The following ASAP1 variants were observed in gnomAD, a reference collection of about 807,000 sequenced individuals.
ASAP1 encodes arf-GAP with SH3 domain, ANK repeat and PH domain-containing protein 1.
Under a neutral mutation model 145.2 loss-of-function variants are expected in ASAP1, and 43 were observed. The ratio of observed to expected loss-of-function variants is 0.30; its 90% CI spans 0.23 to 0.38. ASAP1 has a LOEUF of 0.38. Among genes scored for constraint, ASAP1 ranks in the 10% least tolerant of loss-of-function variants. The probability of loss-of-function intolerance (pLI) is 1.00; values close to 1 mark genes in which losing one functional copy is unlikely to be tolerated. For synonymous variants in ASAP1, 546 were observed against 515.5 expected, an observed-to-expected ratio of 1.06 and a Z score of -0.80; for missense variants, 1,018 against 1,355.3, an observed-to-expected ratio of 0.75 and a Z score of 3.91.
intron 7 of ASAP1, among the ~76,000 whole-genome samples, chr8:130,182,941 T>C (rs901745528): frequency 1.8e-5 from 2 of 112,562 alleles, no homozygotes; most frequent in South Asian, 5.2e-4. Flanking sequence ...ACTGAAAAAA[T>C]AACCTAAAAT....
rs375909106 is a variant in ASAP1, at chr8:130,118,156, G to A, written c.1880+5C>T. On this transcript the variant is annotated splice_donor_5th_base_variant and intron_variant, in intron 20 of 29. Transcript: ENST00000518721. Reference sequence around the variant, plus strand: ...GTAATTCAACAGAGAAAACAAAAACGATACCAGTTTTGTACAAGGAAGTCA... The same window carrying A: ...GTAATTCAACAGAGAAAACAAAAACAATACCAGTTTTGTACAAGGAAGTCA... 8.6e-5 allele frequency: 139 copies of A among 1,612,286 alleles called. No individual in the cohort carries two copies. The highest frequency in any genetic ancestry group is 2.2e-4 in the South Asian group (20 of 90,910).
intron 7 of ASAP1, among the ~76,000 whole-genome samples, chr8:130,185,764 A>G (rs1221180072): frequency 1.3e-5 from 2 of 151,732 alleles, no homozygotes; most frequent in Admixed American, 1.3e-4. Context: ...AGAAAAAGAA[A>G]AAAAAAGAAA....
At chr8:130,353,981 G>A (rs1826155421) in intron 3 of ASAP1, among the ~76,000 whole-genome samples, 1 of 152,096 alleles carries the variant, frequency 6.6e-6, no homozygotes, top group Non-Finnish European at 1.5e-5. Context: ...CCGTCTCCCG[G>A]GTTCATGCCA....
intron 24 of ASAP1, among the ~76,000 whole-genome samples, chr8:130,102,690 T>C (rs1241613065): frequency 6.6e-6 from 1 of 152,126 alleles, no homozygotes; most frequent in East Asian, 1.9e-4. Context: ...TCTTTACTAT[T>C]TGATTGATTG....
At chr8:130,088,105 A>G (rs1476218826) in intron 25 of ASAP1, among the ~76,000 whole-genome samples, 1 of 152,146 alleles carries the variant, frequency 6.6e-6, no homozygotes, top group Non-Finnish European at 1.5e-5. Context: ...CTTTGTAAAT[A>G]TAATTAAGTT....
At chr8:130,309,690 T>G (rs1284027528) in intron 3 of ASAP1, among the ~76,000 whole-genome samples, 1 of 152,150 alleles carries the variant, frequency 6.6e-6, no homozygotes, top group Non-Finnish European at 1.5e-5. Context: ...GCATTTGGAA[T>G]TTCCTGATAT....
intron 3 of ASAP1, among the ~76,000 whole-genome samples, chr8:130,238,322 A>G (rs1818335121): frequency 6.6e-6 from 1 of 152,104 alleles, no homozygotes; most frequent in African/African-American, 2.4e-5. Context: ...TGTGAGGAAA[A>G]ATCTGGCCAG....
chr8:130,310,162 AG>A (rs1586804963), intron 3 of ASAP1, among the ~76,000 whole-genome samples: 2 of 99,246 alleles, frequency 2.0e-5, no homozygotes, highest in South Asian at 3.6e-4. Flanking sequence ...GGGTGAGGGG[AG>A]GGGAGGAGAT....
intron 27 of ASAP1, among the ~76,000 whole-genome samples, chr8:130,065,309 G>T (rs531681763): frequency 6.6e-6 from 1 of 152,130 alleles, no homozygotes; most frequent in Non-Finnish European, 1.5e-5. Flanking sequence ...TCGCCCTCCC[G>T]GCACGTGAGC....
chr8:130,420,725 C>A (rs1829686030), intron 1 of ASAP1, among the ~76,000 whole-genome samples: 1 of 151,986 alleles, frequency 6.6e-6, no homozygotes, highest in East Asian at 1.9e-4. Context: ...GAAACCCCAT[C>A]TCTACTAAAA....
chr8:130,142,856 G>C (rs1407840186), intron 13 of ASAP1, among the ~76,000 whole-genome samples: 1 of 151,512 alleles, frequency 6.6e-6, no homozygotes, highest in Middle Eastern at 3.4e-3. Context: ...TGGCCAGTTA[G>C]ATCTCTATTT....
At chr8:130,091,892 G>A in intron 25 of ASAP1, 81 bp downstream of exon 25, 1 of 1,394,386 alleles carries the variant, frequency 7.2e-7, no homozygotes, top group Non-Finnish European at 9.5e-7. Flanking sequence ...CTTTCTGAAT[G>A]TGCTAACAGG....
chr8:130,103,036 C>T (rs2097531388), intron 24 of ASAP1, among the ~76,000 whole-genome samples: 1 of 152,034 alleles, frequency 6.6e-6, no homozygotes, highest in South Asian at 2.1e-4. Context: ...AGTAATAAAG[C>T]CATCTGGTCC....
At chr8:130,353,226 T>C (rs918906010) in intron 3 of ASAP1, among the ~76,000 whole-genome samples, 1 of 152,306 alleles carries the variant, frequency 6.6e-6, no homozygotes, top group East Asian at 1.9e-4. Flanking sequence ...AATACCTCAG[T>C]AGGACTTGGA....
At chr8:130,272,347 A>T (rs1396257235) in intron 3 of ASAP1, among the ~76,000 whole-genome samples, 1 of 152,150 alleles carries the variant, frequency 6.6e-6, no homozygotes. Context: ...CAAAACCCCT[A>T]TGTTGGCGAG....
intron 2 of ASAP1, among the ~76,000 whole-genome samples, chr8:130,366,646 G>A (rs929200981): frequency 6.6e-6 from 1 of 151,980 alleles, no homozygotes; most frequent in Non-Finnish European, 1.5e-5. Flanking sequence ...GATTACCTGG[G>A]GTTCAATCTC....
At chr8:130,311,988 G>C (rs1418739970) in intron 3 of ASAP1, among the ~76,000 whole-genome samples, 3 of 151,980 alleles carry the variant, frequency 2.0e-5, no homozygotes, top group Non-Finnish European at 2.9e-5. Context: ...GAACATGTAG[G>C]TGCAAATATA....
intron 9 of ASAP1, among the ~76,000 whole-genome samples, chr8:130,177,245 C>T (rs1814024988): frequency 6.6e-6 from 1 of 152,208 alleles, no homozygotes; most frequent in Admixed American, 6.5e-5. Flanking sequence ...ATCACCATTA[C>T]TAGCGAAGGC....
intron 2 of ASAP1, among the ~76,000 whole-genome samples, chr8:130,379,411 A>G (rs756376802): frequency 2.0e-5 from 3 of 152,150 alleles, no homozygotes; most frequent in South Asian, 2.1e-4. Flanking sequence ...GTTCTAGCCA[A>G]TCATCACACT....
Sources: allele counts gnomAD v4.1 joint callset (sites outside exome capture counted in the v4.1 genomes callset), GRCh38; gene constraint gnomAD v4.1.1; transcripts MANE v1.5; gene names NCBI Gene and HGNC (gene_info 2026-07-23, HGNC 2026-07-21).